Variants in MTUS2 observed in about 807,000 individuals in gnomAD.
The protein encoded by MTUS2 is microtubule associated scaffold protein 2, also known as microtubule-associated tumor suppressor candidate 2.
In MTUS2, 40 loss-of-function variants were observed where a neutral mutation model predicts 114.1. The observed-to-expected ratio is 0.35, with a 90% CI of 0.27 to 0.46. The LOEUF (loss-of-function observed/expected upper bound fraction) is 0.46, where lower values mean the gene tolerates loss of function less well. Ranked by LOEUF, MTUS2 falls within the 20% of genes least tolerant of loss-of-function variation. The pLI is 1.00. For missense variants in MTUS2, 1,679 were observed against 1,705.4 expected, an observed-to-expected ratio of 0.98 and a Z score of 0.27; for synonymous variants, 688 against 672.0, an observed-to-expected ratio of 1.02 and a Z score of -0.37.
intron 2 of MTUS2, among the ~76,000 whole-genome samples, chr13:29,014,617 C>T (rs1237837800): frequency 1.3e-5 from 2 of 152,084 alleles, no homozygotes; most frequent in South Asian, 2.1e-4. Context: ...TAGAGGAGGA[C>T]CATCCAGGAA....
intron 5 of MTUS2, among the ~76,000 whole-genome samples, chr13:29,143,381 A>G (rs772745969): frequency 2.6e-5 from 4 of 152,226 alleles, no homozygotes; most frequent in Admixed American, 1.3e-4. Flanking sequence ...ATATATGTTC[A>G]GTGCTTAATA....
chr13:29,478,137 C>G (rs1190187963), intron 9 of MTUS2, among the ~76,000 whole-genome samples: 1 of 152,194 alleles, frequency 6.6e-6, no homozygotes, highest in Non-Finnish European at 1.5e-5. Flanking sequence ...GACTGAGGAA[C>G]TGTCCCAGCC....
intron 5 of MTUS2, among the ~76,000 whole-genome samples, chr13:29,214,303 C>G (rs1895587094): frequency 6.6e-6 from 1 of 151,960 alleles, no homozygotes; most frequent in African/African-American, 2.4e-5. Flanking sequence ...GGTCTTGACT[C>G]TTTTTCCAAT....
chr13:29,105,700 A>G (rs1890635493), intron 5 of MTUS2, among the ~76,000 whole-genome samples: 1 of 148,038 alleles, frequency 6.8e-6, no homozygotes, highest in Non-Finnish European at 1.5e-5. Context: ...ATAGGGAAGT[A>G]GGGATACAGC....
intron 7 of MTUS2, among the ~76,000 whole-genome samples, chr13:29,348,660 T>A (rs1467170325): frequency 2.0e-5 from 3 of 152,244 alleles, no homozygotes; most frequent in Non-Finnish European, 4.4e-5. Context: ...GGGCTTGAAA[T>A]CTCAGACTGT....
intron 2 of MTUS2, among the ~76,000 whole-genome samples, chr13:28,992,244 A>G (rs371237257): frequency 1.3e-5 from 2 of 152,224 alleles, no homozygotes; most frequent in Non-Finnish European, 2.9e-5. Flanking sequence ...TCCCCAGGGA[A>G]TCATGGAGCC....
Position 29,276,745 on chromosome 13 carries a change from A to G in MTUS2, c.2645-4959A>G, listed in dbSNP as rs186454470. Among the ~76,000 whole-genome samples, 1,293 of 152,176 alleles carry G rather than the reference A, an allele frequency of 8.5e-3. 9 individuals carry two copies. The highest frequency in any genetic ancestry group is 0.027 in the South Asian group (132 of 4,814). On this transcript the variant is annotated intron_variant, in intron 5 of 15. Transcript: ENST00000612955. Reference sequence around the variant, plus strand: ...AAACCCCATCTCTACTAAAAATACAAACATTAGCCAGCCATGGTGGTGGGC... The same window carrying G: ...AAACCCCATCTCTACTAAAAATACAGACATTAGCCAGCCATGGTGGTGGGC...
chr13:29,504,170 G>T lies in MTUS2; in HGVS notation c.*964G>T. 2 of 232,464 alleles carry T rather than the reference G, an allele frequency of 8.6e-6. No homozygotes were observed. Among genetic ancestry groups the T allele is most frequent in the Non-Finnish European group, 1.7e-5 (2 of 117,460 alleles). 14.4% of individuals were successfully genotyped at this position (232,464 alleles called of 1,614,324 possible). On this transcript the variant is annotated 3_prime_UTR_variant, in exon 16 of 16. Coordinates refer to ENST00000612955, the MANE Select transcript of MTUS2 (RefSeq NM_001033602.4). Reference sequence around the variant, plus strand: ...GTGCCCATTCGCGCTCCATCCTCATGAAGGAAATTGCTGCCAAGGTCTGTA... The same window carrying T: ...GTGCCCATTCGCGCTCCATCCTCATTAAGGAAATTGCTGCCAAGGTCTGTA...
At position 29,461,205 on chromosome 13, in the gene MTUS2, A is replaced by AG. The variant is rs1208983500; in HGVS notation, c.3185-18938dup. Reference sequence around the variant, plus strand: ...GCAGGACAGAGAGAGAGAGAAGGGAAGGGGGGGTGAACTCATTCTTTTATC... The same window carrying AG: ...GCAGGACAGAGAGAGAGAGAAGGGAAGGGGGGGGTGAACTCATTCTTTTATC... On this transcript the variant is annotated intron_variant, in intron 9 of 15. Transcript: ENST00000612955. Among the ~76,000 whole-genome samples, 5 of 151,996 alleles carry AG rather than the reference A, an allele frequency of 3.3e-5. No individual in the cohort carries two copies. In the East Asian group the frequency reaches 7.8e-4, roughly 24 times the overall value.
chr13:29,265,333 C>T lies in MTUS2; in HGVS notation c.2645-16371C>T, dbSNP rs76183358. The stretch of plus-strand genomic sequence containing the variant: ...TAGATTTCACTGTCCATATCACTAT[C>T]AGCATTTTGGGCACAGCTATTTCAA... On this transcript the variant is annotated intron_variant, in intron 5 of 15. Coordinates refer to ENST00000612955, the MANE Select transcript of MTUS2 (RefSeq NM_001033602.4). Among the ~76,000 whole-genome samples, 414 of 152,296 alleles carry T rather than the reference C, an allele frequency of 2.7e-3. 3 individuals carry two copies. The highest frequency in any genetic ancestry group is 9.4e-3 in the African/African-American group (392 of 41,558).
chr13:29,225,736 A>G (rs4769006), intron 5 of MTUS2, among the ~76,000 whole-genome samples: 129,897 of 152,220 alleles, frequency 0.85, 55,562 homozygotes, highest in African/African-American at 0.91. Flanking sequence ...CTGATCATAA[A>G]TTATCGCTGT....
intron 9 of MTUS2, among the ~76,000 whole-genome samples, chr13:29,454,223 A>G (rs1055480084): frequency 1.3e-5 from 2 of 152,232 alleles, no homozygotes; most frequent in African/African-American, 4.8e-5. Context: ...ATGAAGAGCC[A>G]GGGCTCTTCA....
chr13:29,351,168 C>T (rs562934632), intron 7 of MTUS2, among the ~76,000 whole-genome samples: 1 of 151,890 alleles, frequency 6.6e-6, no homozygotes, highest in East Asian at 1.9e-4. Context: ...TTTTCTTTTT[C>T]CAAGATCTTC....
At position 28,828,339 on chromosome 13, in the gene MTUS2, A is replaced by G. The variant is rs189826933; in HGVS notation, c.-316+7728A>G. ...ACCCAGATTTCATATTGTTTAAACA[A>G]TTTGTGCAGTTAACACAATCATCAC... On this transcript the variant is annotated intron_variant, in intron 1 of 15. Transcript: ENST00000612955. Among the ~76,000 whole-genome samples, 5 of 152,248 alleles carry G rather than the reference A, an allele frequency of 3.3e-5. No individual in the cohort carries two copies. In the East Asian group the frequency reaches 7.7e-4, roughly 24 times the overall value.
intron 3 of MTUS2, among the ~76,000 whole-genome samples, chr13:29,029,617 A>G (rs1240997761): frequency 6.6e-6 from 1 of 152,138 alleles, no homozygotes; most frequent in Non-Finnish European, 1.5e-5. Context: ...AATTATAAGG[A>G]AAAGAGGTTT....
chr13:29,197,853 GTCT>G (rs1894767888), intron 5 of MTUS2, among the ~76,000 whole-genome samples: 1 of 152,168 alleles, frequency 6.6e-6, no homozygotes, highest in Non-Finnish European at 1.5e-5. Context: ...CTGCATAAGT[GTCT>G]TCTTTTTAGA....
At chr13:29,446,241 A>T (rs1312899605) in intron 9 of MTUS2, among the ~76,000 whole-genome samples, 1 of 152,188 alleles carries the variant, frequency 6.6e-6, no homozygotes, top group East Asian at 1.9e-4. Flanking sequence ...AGTCATGGAG[A>T]ATGATTCACT....
intron 5 of MTUS2, among the ~76,000 whole-genome samples, chr13:29,231,895 A>G (rs750542927): frequency 2.4e-4 from 36 of 152,304 alleles, no homozygotes; most frequent in Non-Finnish European, 4.7e-4. Context: ...AGTGAAGAAA[A>G]TTATTTTCTC....
At chr13:29,072,883 T>A (rs1000658710) in intron 4 of MTUS2, among the ~76,000 whole-genome samples, 1 of 152,228 alleles carries the variant, frequency 6.6e-6, no homozygotes, top group African/African-American at 2.4e-5. Flanking sequence ...TCAAACAGTG[T>A]CTATTTATAA....
Sources: allele counts gnomAD v4.1 joint callset (sites outside exome capture counted in the v4.1 genomes callset), GRCh38; gene constraint gnomAD v4.1.1; transcripts MANE v1.5; gene names NCBI Gene and HGNC (gene_info 2026-07-23, HGNC 2026-07-21).